The following PREX1 variants were observed in gnomAD, a reference collection of about 807,000 sequenced individuals.
PREX1 encodes phosphatidylinositol-3,4,5-trisphosphate dependent Rac exchange factor 1, also known as phosphatidylinositol 3,4,5-trisphosphate-dependent Rac exchanger 1 protein.
In PREX1, 41 loss-of-function variants were observed where a neutral mutation model predicts 198.3. The observed-to-expected ratio is 0.21, with a 90% CI of 0.16 to 0.27. The LOEUF is 0.27. PREX1 is among the 10% of genes least tolerant of loss of function. PREX1 has a pLI of 1.00. For missense variants in PREX1, 1,620 were observed against 2,200.7 expected, an observed-to-expected ratio of 0.74 and a Z score of 5.28; for synonymous variants, 843 against 887.2, an observed-to-expected ratio of 0.95 and a Z score of 0.89.
intron 15 of PREX1, 50 bp from the exon 16 acceptor site, chr20:48,660,111 T>G (rs1421683294): frequency 1.2e-6 from 2 of 1,603,598 alleles, no homozygotes; most frequent in African/African-American, 2.7e-5. Flanking sequence ...AGGGAAAGTT[T>G]CAGCCATGTT....
the PREX1 span, among the ~76,000 whole-genome samples, chr20:48,881,326 T>C: frequency 2.0e-5 from 3 of 152,316 alleles, no homozygotes; most frequent in East Asian, 3.9e-4. Flanking sequence ...TTTCCAACAA[T>C]TGCTTTTTAA....
At chr20:48,799,383 A>G (rs2090376148) in intron 1 of PREX1, among the ~76,000 whole-genome samples, 1 of 152,118 alleles carries the variant, frequency 6.6e-6, no homozygotes, top group African/African-American at 2.4e-5. Flanking sequence ...TGGAAGAGGA[A>G]AACGTTCGAA....
At chr20:48,654,272 C>A (rs1034629124) in intron 19 of PREX1, among the ~76,000 whole-genome samples, 66 of 152,248 alleles carry the variant, frequency 4.3e-4, no homozygotes, top group Admixed American at 3.8e-3. Flanking sequence ...TCGTGCCTGG[C>A]ACTCGGTAAG....
intron 1 of PREX1, among the ~76,000 whole-genome samples, chr20:48,759,623 C>A (rs1281276768): frequency 6.6e-6 from 1 of 151,218 alleles, no homozygotes; most frequent in African/African-American, 2.4e-5. Context: ...GGGCTCAAAT[C>A]CCAGCTCTGC....
At chr20:48,726,198 C>T in intron 5 of PREX1, 92 bp downstream of exon 5, 1 of 1,073,636 alleles carries the variant, frequency 9.3e-7, no homozygotes, top group Non-Finnish European at 1.4e-6. Flanking sequence ...GCTGACACTG[C>T]TGCTAGACTT....
the PREX1 span, among the ~76,000 whole-genome samples, chr20:48,875,983 C>T: frequency 6.6e-6 from 1 of 152,140 alleles, no homozygotes; most frequent in South Asian, 2.1e-4. Flanking sequence ...TATGCAGAGC[C>T]TCCGATGCCT....
intron 6 of PREX1, among the ~76,000 whole-genome samples, chr20:48,707,032 C>T (rs1428267895): frequency 6.6e-6 from 1 of 152,202 alleles, no homozygotes; most frequent in Non-Finnish European, 1.5e-5. Context: ...CTGTTAACTG[C>T]AAAGCCATCC....
the PREX1 span, among the ~76,000 whole-genome samples, chr20:48,879,309 T>C: frequency 1.3e-5 from 2 of 152,226 alleles, no homozygotes; most frequent in African/African-American, 4.8e-5. Context: ...TTACGTTCTT[T>C]ACCTAAGAAA....
chr20:48,734,430 A>G, intron 4 of PREX1, 116 bp downstream of exon 4: 1 of 885,476 alleles, frequency 1.1e-6, no homozygotes, highest in South Asian at 1.5e-5. Context: ...GCAGGAGATT[A>G]CCCCAGCCAA....
chr20:48,807,208 C>G (rs2090415589), intron 1 of PREX1, among the ~76,000 whole-genome samples: 1 of 152,192 alleles, frequency 6.6e-6, no homozygotes, highest in African/African-American at 2.4e-5. Flanking sequence ...ACACTCCCCC[C>G]CATTCTCAGC....
chr20:48,786,714 CA>C (rs1473418889), intron 1 of PREX1, among the ~76,000 whole-genome samples: 1 of 147,014 alleles, frequency 6.8e-6, no homozygotes, highest in East Asian at 2.0e-4. Context: ...CACTGCACTC[CA>C]GCCTGGGTCA....
chr20:48,775,142 A>G (rs1362786190), intron 1 of PREX1, among the ~76,000 whole-genome samples: 1 of 152,286 alleles, frequency 6.6e-6, no homozygotes, highest in Admixed American at 6.5e-5. Context: ...CAAATGACGC[A>G]TGTAGCACGT....
chr20:48,779,227 T>TA (rs2122915020), intron 1 of PREX1, among the ~76,000 whole-genome samples: 1 of 152,304 alleles, frequency 6.6e-6, no homozygotes, highest in East Asian at 1.9e-4. Flanking sequence ...AAATGGTAAA[T>TA]ATGCACATGA....
chr20:48,699,143 C>T (rs1387692986), intron 7 of PREX1, among the ~76,000 whole-genome samples: 1 of 152,166 alleles, frequency 6.6e-6, no homozygotes, highest in Non-Finnish European at 1.5e-5. Flanking sequence ...TCTCACCACA[C>T]CTTAGGAGGC....
rs747025292 is a variant in PREX1, at chr20:48,634,766, G to A, written c.4177C>T (p.Arg1393Trp). The A allele has an allele frequency of 1.5e-5, 25 of 1,613,882 alleles. No individual in the cohort carries two copies. Among genetic ancestry groups the A allele is most frequent in the Admixed American group, 1.2e-4 (7 of 60,000 alleles). The change falls in exon 33 of 40, where the codon CGG becomes TGG. Residue 1393 changes from arginine (R) to tryptophan (W), a missense_variant. Coordinates refer to ENST00000371941, the MANE Select transcript of PREX1 (RefSeq NM_020820.4). ...LLSPATVKEE[R>W]TMLEDIWVTL... Reference sequence around the variant, plus strand: ...ACCCAGATGTCCTCCAGCATGGTCCGTTCCTCCTTCTGCAGGAAGAAGACA... The same window carrying A: ...ACCCAGATGTCCTCCAGCATGGTCCATTCCTCCTTCTGCAGGAAGAAGACA...
intron 18 of PREX1, 90 bp downstream of exon 18, chr20:48,656,950 G>A (rs1466628354): frequency 7.9e-5 from 114 of 1,436,430 alleles, no homozygotes; most frequent in Non-Finnish European, 1.0e-4. Flanking sequence ...CCAGCCACGG[G>A]GGACCAGGAC....
chr20:48,715,426 C>T lies in PREX1; in HGVS notation c.622-7005G>A, dbSNP rs185137525. On this transcript the variant is annotated intron_variant, in intron 5 of 39. Coordinates refer to ENST00000371941, the MANE Select transcript of PREX1 (RefSeq NM_020820.4). ...CACTAATGCCTTATTCTAGCTCAAA[C>T]CCATTATCAGATGATGAAACTGGAG... Among the ~76,000 whole-genome samples, 314 of 152,320 alleles carry T rather than the reference C, an allele frequency of 2.1e-3. 2 individuals are homozygous for T. The highest frequency in any genetic ancestry group is 7.3e-3 in the African/African-American group (302 of 41,564).
the PREX1 span, among the ~76,000 whole-genome samples, chr20:48,872,946 AT>A: frequency 6.6e-6 from 1 of 151,986 alleles, no homozygotes; most frequent in Non-Finnish European, 1.5e-5. Context: ...TCCTGATTTT[AT>A]TTTTTTCTGT....
In PREX1 at chr20:48,652,726, G is replaced by A; in HGVS notation, c.2347-20C>T. ...CAGGCCCTGCCAGAAGCCAGAGTAA[G>A]GGGACAGCCATGGTGCCGGCAGGTA... is the stretch of plus-strand genomic sequence containing the variant. On this transcript the variant is annotated intron_variant, in intron 20 of 39. Transcript: ENST00000371941. 6.2e-7 allele frequency: 1 copy of A among 1,608,040 alleles called. No individual in the cohort carries two copies. The highest frequency in any genetic ancestry group is 1.1e-5 in the South Asian group (1 of 90,330).
Sources: gnomAD v4.1 joint callset for allele counts (sites outside exome capture counted in the v4.1 genomes callset) on GRCh38, gnomAD v4.1.1 for gene constraint, MANE v1.5 for transcripts, NCBI Gene and HGNC (gene_info 2026-07-23, HGNC 2026-07-21) for gene names.